SORD: variants seen among roughly 807,000 people sequenced by gnomAD.
SORD encodes the protein sorbitol dehydrogenase, also known as (R,R)-butanediol dehydrogenase.
A neutral mutation model predicts 35.6 loss-of-function variants in SORD; 18 were observed. That is an observed-to-expected ratio of 0.51 (90% CI 0.35 to 0.75). SORD has a LOEUF of 0.75. Among genes scored for constraint, SORD ranks in the 30% least tolerant of loss-of-function variants. SORD has a pLI of 0.01. For synonymous variants in SORD, 106 were observed against 152.9 expected, an observed-to-expected ratio of 0.69 and a Z score of 2.26; for missense variants, 250 against 390.2, an observed-to-expected ratio of 0.64 and a Z score of 3.03.
chr15:45,050,295 A>G (rs1184612191), intron 3 of SORD, among the ~76,000 whole-genome samples: 1 of 152,132 alleles, frequency 6.6e-6, no homozygotes. Context: ...GTTAGCCAGG[A>G]TGGTCTCGAT....
Position 45,068,168 on chromosome 15 carries a change from C to T in SORD, c.545-13C>T, listed in dbSNP as rs541780357. ...ATATTTCACGAACATATTCCATCTTCTGCTTTGTTTAGGGCCAATCGGGAT... is the reference window on the plus strand; with the variant it reads ...ATATTTCACGAACATATTCCATCTTTTGCTTTGTTTAGGGCCAATCGGGAT... On this transcript the variant is annotated splice_polypyrimidine_tract_variant and intron_variant, in intron 5 of 8. Coordinates refer to ENST00000267814, the MANE Select transcript of SORD (RefSeq NM_003104.6). 3.1e-6 allele frequency: 5 copies of T among 1,610,498 alleles called. No homozygotes were observed. The highest frequency in any genetic ancestry group is 2.2e-5 in the South Asian group (2 of 91,004).
intron 2 of SORD, among the ~76,000 whole-genome samples, chr15:45,041,494 C>T (rs1487706681): frequency 2.6e-5 from 4 of 152,014 alleles, no homozygotes; most frequent in South Asian, 4.2e-4. Flanking sequence ...AGATCAAAGG[C>T]GGCTTTCCTG....
chr15:45,052,530 G>C (rs912136333), intron 3 of SORD, among the ~76,000 whole-genome samples: 8 of 152,134 alleles, frequency 5.3e-5, no homozygotes, highest in African/African-American at 1.9e-4. Context: ...GCATGGTAGG[G>C]ACTGAAATGT....
At chr15:45,052,929 T>G (rs751085265) in intron 3 of SORD, among the ~76,000 whole-genome samples, 3 of 152,106 alleles carry the variant, frequency 2.0e-5, no homozygotes, top group Non-Finnish European at 4.4e-5. Flanking sequence ...CTTATAAAAA[T>G]GTTGTAGGTC....
intron 5 of SORD, among the ~76,000 whole-genome samples, chr15:45,066,706 G>A (rs1893411649): frequency 6.6e-6 from 1 of 152,178 alleles, no homozygotes; most frequent in South Asian, 2.1e-4. Flanking sequence ...GTGATCTGGT[G>A]TTCCTCATAC....
intron 1 of SORD, among the ~76,000 whole-genome samples, chr15:45,023,722 C>G (rs1278180980): frequency 6.6e-6 from 1 of 152,186 alleles, no homozygotes; most frequent in Non-Finnish European, 1.5e-5. Flanking sequence ...CGGGGCAGAC[C>G]GTGCAGAGCA....
In SORD at chr15:45,069,023, G is replaced by C; in HGVS notation, c.757G>C (p.Ala253Pro). ...KPEVTIECTG[A>P]EASIQAGIYA... The stretch of plus-strand genomic sequence containing the variant: ...GGAAGTCACCATCGAGTGCACGGGG[G>C]CAGAGGCCTCCATCCAGGCGGGCAT... The change falls in exon 7 of 9, where the codon GCA (alanine) becomes CCA (proline). Residue 253 changes from alanine to proline, a missense_variant. Coordinates refer to ENST00000267814, the MANE Select transcript of SORD (RefSeq NM_003104.6). 1.2e-6 allele frequency: 2 copies of C among 1,610,186 alleles called. No individual in the cohort carries two copies. The highest frequency in any genetic ancestry group is 1.7e-6 in the Non-Finnish European group (2 of 1,178,346).
At chr15:45,024,715 CACAA>C (rs2141259999) in intron 1 of SORD, among the ~76,000 whole-genome samples, 1 of 152,168 alleles carries the variant, frequency 6.6e-6, no homozygotes, top group Admixed American at 6.5e-5. Context: ...TACTTCATTC[CACAA>C]ACATTCACTC....
At chr15:45,047,852 G>GA (rs1003295139) in intron 3 of SORD, among the ~76,000 whole-genome samples, 1 of 152,184 alleles carries the variant, frequency 6.6e-6, no homozygotes, top group African/African-American at 2.4e-5. Context: ...GCTCAGGCAG[G>GA]GGGTCTGCCA....
At chr15:45,044,974 G>C (rs1394255602) in intron 3 of SORD, among the ~76,000 whole-genome samples, 1 of 151,996 alleles carries the variant, frequency 6.6e-6, no homozygotes, top group Non-Finnish European at 1.5e-5. Flanking sequence ...CTGTGATTAC[G>C]GGCCTGAGCC....
At chr15:45,037,435 G>A (rs1165000725) in intron 1 of SORD, among the ~76,000 whole-genome samples, 1 of 152,190 alleles carries the variant, frequency 6.6e-6, no homozygotes, top group African/African-American at 2.4e-5. Context: ...GGGCGTTCAG[G>A]TCTGGCCAGG....
Position 45,068,239 on chromosome 15 carries a change from G to A in SORD, c.603G>A (p.Val201=). The change falls in exon 6 of 9, where the codon GTG becomes GTA. Residue 201 remains valine, a synonymous_variant. Transcript: ENST00000267814. ...VAKAMGAAQV[V]VTDLSATRLS... ...AAGCAATGGGAGCAGCTCAAGTAGT[G>A]GTGACTGGTAAGACTTTGTTCTTTA... The A allele has an allele frequency of 1.2e-6, 2 of 1,612,244 alleles. No homozygotes were observed. The highest frequency in any genetic ancestry group is 1.7e-6 in the Non-Finnish European group (2 of 1,178,230).
At chr15:45,034,180 T>C (rs1892824101) in intron 1 of SORD, among the ~76,000 whole-genome samples, 1 of 151,480 alleles carries the variant, frequency 6.6e-6, no homozygotes, top group African/African-American at 2.4e-5. Flanking sequence ...GAGTCGGCAT[T>C]CCCTTTCATG....
intron 3 of SORD, among the ~76,000 whole-genome samples, chr15:45,048,619 G>T (rs1189829820): frequency 6.6e-6 from 1 of 152,138 alleles, no homozygotes; most frequent in Admixed American, 6.5e-5. Flanking sequence ...TAGTCCCAGC[G>T]ACTTGTAAAG....
In SORD at chr15:45,063,751, G is replaced by A. The variant is rs377728533; in HGVS notation, c.426-1520G>A. Among the ~76,000 whole-genome samples, 1,195 of 145,314 alleles carry A rather than the reference G, an allele frequency of 8.2e-3. 12 individuals carry two copies. Among genetic ancestry groups the A allele is most frequent in the African/African-American group, 0.029 (1,061 of 36,270 alleles). On this transcript the variant is annotated intron_variant, in intron 4 of 8. Coordinates refer to ENST00000267814, the MANE Select transcript of SORD (RefSeq NM_003104.6). Reference sequence around the variant, plus strand: ...GAGGCCCAGATGTGGAAGGGCAGGCGTGTCTAGGAACCTGTGGAGTCCCTG... The same window carrying A: ...GAGGCCCAGATGTGGAAGGGCAGGCATGTCTAGGAACCTGTGGAGTCCCTG...
intron 3 of SORD, among the ~76,000 whole-genome samples, chr15:45,055,981 G>A (rs1217240426): frequency 1.4e-4 from 21 of 151,534 alleles, no homozygotes; most frequent in Non-Finnish European, 2.4e-4. Flanking sequence ...GTATTGATGG[G>A]ACGTATCTCA....
chr15:45,064,208 C>G lies in SORD; in HGVS notation c.426-1063C>G, dbSNP rs1893368925. Among the ~76,000 whole-genome samples the G allele has an allele frequency of 2.0e-5, 3 of 151,882 alleles. No homozygotes were observed. The South Asian group carries it at 6.3e-4, about 32-fold the overall frequency. On this transcript the variant is annotated intron_variant, in intron 4 of 8. Coordinates refer to ENST00000267814, the MANE Select transcript of SORD (RefSeq NM_003104.6). ...TTGGATATTAATATTAGCTACACAG[C>G]TGCTCATACCAGGATGGAGCTGATA...
At chr15:45,047,271 T>C (rs1174177664) in intron 3 of SORD, 1 of 151,874 alleles carries the variant, frequency 6.6e-6, no homozygotes, top group Admixed American at 6.5e-5. Context: ...CACTATTCTG[T>C]GAGTACTTTC....
intron 1 of SORD, among the ~76,000 whole-genome samples, chr15:45,023,823 G>T (rs1473517295): frequency 3.3e-5 from 5 of 152,184 alleles, no homozygotes; most frequent in South Asian, 2.1e-4. Flanking sequence ...GCAGGATTAT[G>T]ATGATCACAA....
Sources: gnomAD v4.1 joint callset for allele counts (sites outside exome capture counted in the v4.1 genomes callset) on GRCh38, gnomAD v4.1.1 for gene constraint, MANE v1.5 for transcripts, NCBI Gene and HGNC (gene_info 2026-07-23, HGNC 2026-07-21) for gene names.